DCK: variants seen among roughly 807,000 people sequenced by gnomAD.
DCK encodes the protein deoxycytidine kinase, also known as deoxyadenosine kinase.
DCK carries 23 observed loss-of-function variants against 38.3 expected under a neutral mutation model. The observed-to-expected ratio is 0.60, with a 90% CI of 0.43 to 0.85. DCK has a LOEUF of 0.85. Among genes scored for constraint, DCK ranks in the 40% least tolerant of loss-of-function variants. DCK has a pLI of 0.00. For synonymous variants in DCK, 108 were observed against 100.6 expected (o/e 1.07, Z -0.44); for missense variants, 259 against 304.4 (o/e 0.85, Z 1.11).
intron 2 of DCK, among the ~76,000 whole-genome samples, chr4:71,001,319 G>A (rs924762778): frequency 6.6e-6 from 1 of 152,164 alleles, no homozygotes; most frequent in Non-Finnish European, 1.5e-5. Context: ...AACCAGCCCT[G>A]CATCCCAGGG....
chr4:71,017,114 G>T (rs972641180), intron 2 of DCK, among the ~76,000 whole-genome samples: 2 of 152,164 alleles, frequency 1.3e-5, no homozygotes, highest in East Asian at 3.8e-4. Context: ...CAAAAAGTGG[G>T]CAAAGGATAT....
Position 71,023,634 on chromosome 4 carries a change from TG to T in DCK, c.478del (p.Asp160ThrfsTer3). ...TEWTIYQDWHDWMNNQFGQSL... is the reference protein window; with the variant it reads ...TEWTIYQDWHXWMNNQFGQSL... The stretch of plus-strand genomic sequence containing the variant: ...AGTGGACAATTTATCAAGACTGGCA[TG>T]ACTGGATGAATAACCAATTTGGCCA... On this transcript the variant is annotated frameshift_variant, in exon 4 of 7. Coordinates refer to ENST00000286648, the MANE Select transcript of DCK (RefSeq NM_000788.3). LOFTEE classifies it high-confidence loss of function. The T allele has an allele frequency of 6.2e-7, 1 of 1,613,400 alleles. No individual in the cohort carries two copies. Among genetic ancestry groups the T allele is most frequent in the Non-Finnish European group, 8.5e-7 (1 of 1,179,414 alleles).
In DCK at chr4:71,007,470, G is replaced by A. The variant is rs72854194; in HGVS notation, c.207+9288G>A. 3.6e-3 allele frequency among the ~76,000 whole-genome samples: 546 copies of A among 152,156 alleles called. 4 individuals carry two copies. The highest frequency in any genetic ancestry group is 0.013 in the African/African-American group (528 of 41,488). On this transcript the variant is annotated intron_variant, in intron 2 of 6. Transcript: ENST00000286648. ...ATCTTCTTTCCTACGTTACTACTCC[G>A]CTAGGGGTAATTACTCCCATTCTTT...
chr4:71,017,791 AG>A (rs1378169796), intron 2 of DCK, among the ~76,000 whole-genome samples: 2 of 82,144 alleles, frequency 2.4e-5, no homozygotes, highest in Non-Finnish European at 4.5e-5. Context: ...GGGTGGGGGG[AG>A]GGGGGAGGGA....
intron 2 of DCK, among the ~76,000 whole-genome samples, chr4:71,018,126 CTTT>C (rs35755135): frequency 7.9e-6 from 1 of 126,832 alleles, no homozygotes; most frequent in Non-Finnish European, 1.6e-5. Context: ...TAGATTATTT[CTTT>C]TTTTTTTTTT....
At chr4:70,997,148 C>G (rs183182276) in intron 1 of DCK, among the ~76,000 whole-genome samples, 40 of 152,212 alleles carry the variant, frequency 2.6e-4, no homozygotes, top group African/African-American at 9.1e-4. Context: ...AATGCTGTAG[C>G]CTTAAGTGCT....
intron 2 of DCK, among the ~76,000 whole-genome samples, chr4:71,020,424 C>G (rs749402631): frequency 4.4e-4 from 67 of 152,192 alleles, no homozygotes; most frequent in Admixed American, 3.5e-3. Flanking sequence ...TCCCAATTAA[C>G]TTTTCTCTAA....
At chr4:71,014,371 G>C (rs1047449416) in intron 2 of DCK, among the ~76,000 whole-genome samples, 1 of 152,134 alleles carries the variant, frequency 6.6e-6, no homozygotes, top group African/African-American at 2.4e-5. Flanking sequence ...GAGACAGAAA[G>C]TTAACAAGGA....
At chr4:70,997,342 A>G (rs1298053354) in intron 1 of DCK, among the ~76,000 whole-genome samples, 1 of 152,082 alleles carries the variant, frequency 6.6e-6, no homozygotes, top group Non-Finnish European at 1.5e-5. Context: ...TCTCCATACT[A>G]AATTTTGGTG....
rs550971669 is a variant in DCK at position 71,016,022 on chromosome 4, A to T, written c.208-6345A>T. ...CTGTTTGCAGATGACATGATTGTAT[A>T]TTTAGAAAACCCCATCGTCTCAGCC... On this transcript the variant is annotated intron_variant, in intron 2 of 6. Transcript: ENST00000286648. Among the ~76,000 whole-genome samples the T allele has an allele frequency of 9.7e-3, 1,476 of 152,334 alleles. 32 individuals carry two copies. Among genetic ancestry groups the T allele is most frequent in the African/African-American group, 0.034 (1,415 of 41,564 alleles).
intron 2 of DCK, chr4:71,006,339 G>A: frequency 1.1e-6 from 1 of 932,260 alleles, no homozygotes; most frequent in Non-Finnish European, 1.3e-6. Flanking sequence ...AGAGTTCAGT[G>A]TCATTTTTTT....
chr4:71,004,287 G>T (rs1739882735), intron 2 of DCK, among the ~76,000 whole-genome samples: 1 of 152,224 alleles, frequency 6.6e-6, no homozygotes, highest in Non-Finnish European at 1.5e-5. Flanking sequence ...CACCAGCGGA[G>T]GCTGCAGAAC....
chr4:71,013,024 G>T (rs1260587383), intron 2 of DCK, among the ~76,000 whole-genome samples: 1 of 151,976 alleles, frequency 6.6e-6, no homozygotes, highest in African/African-American at 2.4e-5. Context: ...GAAAAAAGAC[G>T]AATGGCTAAC....
intron 2 of DCK, among the ~76,000 whole-genome samples, chr4:71,021,798 G>C (rs4021444): frequency 0.97 from 148,326 of 152,232 alleles, 72,385 homozygotes; most frequent in Non-Finnish European, 1. Context: ...GTCAGGAGAT[G>C]GAGACCATCC....
At chr4:71,019,176 C>G (rs1578427652) in intron 2 of DCK, among the ~76,000 whole-genome samples, 2 of 152,082 alleles carry the variant, frequency 1.3e-5, no homozygotes, top group Non-Finnish European at 2.9e-5. Context: ...ATCTTCATAG[C>G]TGAAAATTCT....
rs765524843 is a variant in DCK at position 71,022,376 on chromosome 4, A to G, written c.217A>G (p.Met73Val). Residue 73 changes from methionine (M) to valine (V), a missense_variant, in exon 3 of 7, where the codon ATG becomes GTG. Coordinates refer to ENST00000286648, the MANE Select transcript of DCK (RefSeq NM_000788.3). ...STQDEFEELT[M>V]SQKNGGNVLQ... ...TGCACATTCAAAATAGGAACTTACA[A>G]TGTCTCAGAAAAATGGTGGGAATGT... The G allele has an allele frequency of 2.4e-5, 36 of 1,517,462 alleles. No individual in the cohort carries two copies. Among genetic ancestry groups the G allele is most frequent in the Non-Finnish European group, 3.1e-5 (35 of 1,131,846 alleles). The allele number at this position is 1,517,462 out of a possible 1,614,324, so 94.0% of individuals were successfully genotyped here.
chr4:71,000,327 G>A (rs1234318708), intron 2 of DCK, among the ~76,000 whole-genome samples: 1 of 152,154 alleles, frequency 6.6e-6, no homozygotes, highest in Non-Finnish European at 1.5e-5. Flanking sequence ...AGATCAGATG[G>A]TTGTAGACGT....
At chr4:71,028,996 A>G (rs924542160) in intron 6 of DCK, among the ~76,000 whole-genome samples, 2 of 152,164 alleles carry the variant, frequency 1.3e-5, no homozygotes, top group African/African-American at 4.8e-5. Context: ...ACCGCAGGTG[A>G]TCTGCCCGCC....
intron 2 of DCK, among the ~76,000 whole-genome samples, chr4:71,010,165 G>GTT (rs1740048317): frequency 1.7e-5 from 2 of 119,818 alleles, no homozygotes; most frequent in East Asian, 4.2e-4. Flanking sequence ...TGCTGTTTTA[G>GTT]CTTTTTTTTT....
Sources: gnomAD v4.1 joint callset for allele counts (sites outside exome capture counted in the v4.1 genomes callset) on GRCh38, gnomAD v4.1.1 for gene constraint, MANE v1.5 for transcripts, NCBI Gene and HGNC (gene_info 2026-07-23, HGNC 2026-07-21) for gene names.